The following STK32A variants were observed in gnomAD, a reference collection of about 807,000 sequenced individuals.
STK32A encodes the protein serine/threonine kinase 32A.
A neutral mutation model predicts 53.2 loss-of-function variants in STK32A; 41 were observed. That is an observed-to-expected ratio of 0.77 (90% CI 0.60 to 1.00). STK32A has a LOEUF of 1.00. STK32A is among the 50% of genes least tolerant of loss of function. The probability of loss-of-function intolerance (pLI) is 0.00; values close to 1 mark genes in which losing one functional copy is unlikely to be tolerated. For synonymous variants in STK32A, 166 were observed against 162.8 expected (o/e 1.02, Z -0.15); for missense variants, 458 against 485.8 (o/e 0.94, Z 0.54).
intron 4 of STK32A, among the ~76,000 whole-genome samples, chr5:147,319,139 C>CTTTTTTTTTTTTTTTTTTTTTTTTTTT (rs146817721): frequency 9.9e-6 from 1 of 100,580 alleles, no homozygotes; most frequent in Non-Finnish European, 2.0e-5. Context: ...ACAACTGGTA[C>CTTTTTTTTTTTTTTTTTTTTTTTTTTT]TTTTTTTTTT....
At chr5:147,371,945 T>G (rs1178487801) in intron 9 of STK32A, among the ~76,000 whole-genome samples, 1 of 152,226 alleles carries the variant, frequency 6.6e-6, no homozygotes, top group Non-Finnish European at 1.5e-5. Flanking sequence ...CACATAACAC[T>G]ATCTTTCCTT....
intron 2 of STK32A, among the ~76,000 whole-genome samples, chr5:147,248,056 G>A (rs1400450847): frequency 6.6e-6 from 1 of 150,502 alleles, no homozygotes; most frequent in Non-Finnish European, 1.5e-5. Context: ...AGGAGGCAGA[G>A]GTTGCGGTGA....
At chr5:147,317,781 C>A (rs565051070) in intron 4 of STK32A, among the ~76,000 whole-genome samples, 56 of 152,038 alleles carry the variant, frequency 3.7e-4, no homozygotes, top group African/African-American at 9.9e-4. Context: ...ATAAAAATTT[C>A]TTTATTTAAA....
chr5:147,237,844 T>C (rs1278962952), intron 1 of STK32A, among the ~76,000 whole-genome samples: 1 of 152,212 alleles, frequency 6.6e-6, no homozygotes, highest in Non-Finnish European at 1.5e-5. Flanking sequence ...TCTTCTACAC[T>C]TCCTTAGGGG....
At position 147,271,629 on chromosome 5, in the gene STK32A, T is replaced by C. The variant is rs187218279; in HGVS notation, c.53-6495T>C. Among the ~76,000 whole-genome samples, 598 of 152,294 alleles carry C rather than the reference T, an allele frequency of 3.9e-3. 2 individuals carry two copies. The highest frequency in any genetic ancestry group is 9.7e-3 in the African/African-American group (405 of 41,552). ...ATGAACATCCCTGAGAAAGAGAATG[T>C]GCCCCTGAGGGTGGGCCTCTAAAAT... On this transcript the variant is annotated intron_variant, in intron 2 of 12. Transcript: ENST00000397936.
chr5:147,367,864 A>G (rs1256531604), intron 8 of STK32A, among the ~76,000 whole-genome samples: 1 of 152,226 alleles, frequency 6.6e-6, no homozygotes, highest in Admixed American at 6.5e-5. Context: ...AAAATGACCA[A>G]CTATGCTACC....
intron 11 of STK32A, among the ~76,000 whole-genome samples, chr5:147,378,112 A>G (rs568271484): frequency 6.6e-6 from 1 of 152,162 alleles, no homozygotes; most frequent in East Asian, 1.9e-4. Flanking sequence ...TCATTCATTC[A>G]TTTATTCAGA....
chr5:147,331,817 T>C (rs1442471083), intron 5 of STK32A, among the ~76,000 whole-genome samples: 2 of 151,958 alleles, frequency 1.3e-5, no homozygotes, highest in African/African-American at 4.8e-5. Flanking sequence ...AGATGGGGGA[T>C]TGATGTGATG....
At chr5:147,285,803 C>T in intron 4 of STK32A, among the ~76,000 whole-genome samples, 1 of 151,956 alleles carries the variant, frequency 6.6e-6, no homozygotes, top group East Asian at 1.9e-4. Context: ...CAGATGTTGG[C>T]ATGGATGCAG....
chr5:147,235,231 A>G (rs1753261110), intron 1 of STK32A, 32 bp downstream of exon 1: 1 of 152,318 alleles, frequency 6.6e-6, no homozygotes, highest in South Asian at 2.1e-4. Flanking sequence ...ACGAATAATA[A>G]CAATAAACCT....
intron 4 of STK32A, among the ~76,000 whole-genome samples, chr5:147,310,176 G>A (rs1033281166): frequency 6.6e-6 from 1 of 152,196 alleles, no homozygotes. Context: ...CCTGAGATAA[G>A]AGCAGAGACA....
intron 5 of STK32A, among the ~76,000 whole-genome samples, chr5:147,324,768 A>G (rs1375596825): frequency 6.6e-6 from 1 of 152,232 alleles, no homozygotes; most frequent in Non-Finnish European, 1.5e-5. Flanking sequence ...TGAAAAAATC[A>G]TGGCTTGTAT....
chr5:147,245,817 T>C (rs1753749792), intron 2 of STK32A, among the ~76,000 whole-genome samples: 1 of 152,238 alleles, frequency 6.6e-6, no homozygotes, highest in Non-Finnish European at 1.5e-5. Flanking sequence ...CTCAGTGTTC[T>C]ACTTTTATTT....
the STK32A span, chr5:147,395,806 C>T: frequency 6.0e-6 from 9 of 1,503,308 alleles, no homozygotes; most frequent in East Asian, 9.1e-5. Flanking sequence ...TTAGTGAATA[C>T]AGTGTGTGGT....
intron 2 of STK32A, among the ~76,000 whole-genome samples, chr5:147,264,929 T>A (rs1481891313): frequency 6.6e-6 from 1 of 151,768 alleles, no homozygotes; most frequent in Admixed American, 6.6e-5. Flanking sequence ...TTAAGCTATA[T>A]AAAGATATAG....
intron 9 of STK32A, 115 bp from the exon 10 acceptor site, chr5:147,373,054 A>G: frequency 8.0e-7 from 1 of 1,242,488 alleles, no homozygotes; most frequent in East Asian, 2.3e-5. Flanking sequence ...GGGATAGGGG[A>G]CACTGTCTAT....
At chr5:147,240,187 CTT>C (rs1753508453) in intron 2 of STK32A, 1 of 152,562 alleles carries the variant, frequency 6.6e-6, no homozygotes, top group Non-Finnish European at 1.5e-5. Context: ...AAAAGGGAAA[CTT>C]TCCAGGCCAG....
In STK32A at chr5:147,335,845, A is replaced by G. The variant is rs567792573; in HGVS notation, c.435-7161A>G. On this transcript the variant is annotated intron_variant, in intron 5 of 12. Transcript: ENST00000397936. ...TGCGCGTGTGTGCGCGCATGTGTGC[A>G]TGAATGTGTGTGTTACAGAGAAGTG... Among the ~76,000 whole-genome samples, 83 of 152,366 alleles carry G rather than the reference A, an allele frequency of 5.4e-4. No homozygotes were observed. The South Asian group carries it at 7.2e-3, about 13-fold the overall frequency.
chr5:147,400,644 C>T, the STK32A span: 1 of 1,601,642 alleles, frequency 6.2e-7, no homozygotes, highest in Non-Finnish European at 8.5e-7. Context: ...TGATCTGGCC[C>T]ATGGATGTTT....
Sources: allele counts gnomAD v4.1 joint callset (sites outside exome capture counted in the v4.1 genomes callset), GRCh38; gene constraint gnomAD v4.1.1; transcripts MANE v1.5; gene names NCBI Gene and HGNC (gene_info 2026-07-23, HGNC 2026-07-21).